AUH: variants seen among roughly 807,000 people sequenced by gnomAD.
AUH encodes the protein AU RNA binding methylglutaconyl-CoA hydratase.
A neutral mutation model predicts 42.3 loss-of-function variants in AUH; 29 were observed. The observed-to-expected ratio is 0.69, with a 90% CI of 0.51 to 0.93. The LOEUF (loss-of-function observed/expected upper bound fraction) is 0.93, where lower values mean the gene tolerates loss of function less well. Ranked by LOEUF, AUH falls within the 40% of genes least tolerant of loss-of-function variation. AUH has a pLI of 0.00. For missense variants in AUH, 452 were observed against 438.1 expected (o/e 1.03, Z -0.28); for synonymous variants, 174 against 166.4 (o/e 1.05, Z -0.35).
chr9:91,219,877 G>A (rs1054994428), intron 7 of AUH, among the ~76,000 whole-genome samples: 1 of 152,168 alleles, frequency 6.6e-6, no homozygotes, highest in African/African-American at 2.4e-5. Context: ...GCATGAATTT[G>A]GAATCTCATG....
intron 6 of AUH, among the ~76,000 whole-genome samples, chr9:91,226,345 T>G (rs1441687785): frequency 6.9e-6 from 1 of 145,726 alleles, no homozygotes; most frequent in Non-Finnish European, 1.5e-5. Context: ...TGCATAAATG[T>G]CTTCTTTTGA....
chr9:91,323,197 G>A (rs147640995), intron 4 of AUH, among the ~76,000 whole-genome samples: 171 of 152,174 alleles, frequency 1.1e-3, no homozygotes, highest in Middle Eastern at 6.8e-3. Context: ...AAATGTTGGG[G>A]GAGGAGATAA....
intron 6 of AUH, among the ~76,000 whole-genome samples, chr9:91,275,439 T>C (rs1371749309): frequency 6.6e-6 from 1 of 152,236 alleles, no homozygotes; most frequent in African/African-American, 2.4e-5. Flanking sequence ...AGGAGCTCTA[T>C]GGTGATTTCT....
At chr9:91,336,553 C>G (rs958883521) in intron 3 of AUH, among the ~76,000 whole-genome samples, 1 of 151,730 alleles carries the variant, frequency 6.6e-6, no homozygotes, top group African/African-American at 2.4e-5. Context: ...TCACTTGAAC[C>G]TGGGATGCGG....
At chr9:91,233,746 A>G (rs920071850) in intron 6 of AUH, among the ~76,000 whole-genome samples, 7 of 152,240 alleles carry the variant, frequency 4.6e-5, no homozygotes, top group Admixed American at 2.0e-4. Context: ...GAGGCTGGAC[A>G]GGCAGTTGAA....
At chr9:91,289,511 C>T (rs539287896) in intron 6 of AUH, among the ~76,000 whole-genome samples, 155 of 151,954 alleles carry the variant, frequency 1.0e-3, no homozygotes, top group Non-Finnish European at 2.0e-3. Flanking sequence ...AGGCAAGTGA[C>T]GCATTTTCTT....
intron 6 of AUH, among the ~76,000 whole-genome samples, chr9:91,291,922 C>CAA (rs10592483): frequency 1.1e-5 from 1 of 87,432 alleles, no homozygotes. Flanking sequence ...GACTCCGTGT[C>CAA]AAAAAAAAAA....
At chr9:91,314,366 C>T (rs1371723505) in intron 4 of AUH, among the ~76,000 whole-genome samples, 1 of 151,550 alleles carries the variant, frequency 6.6e-6, no homozygotes, top group Non-Finnish European at 1.5e-5. Context: ...AGAGCCCATC[C>T]CTGCTACTCG....
At chr9:91,218,919 A>T in intron 7 of AUH, 18 of 985,382 alleles carry the variant, frequency 1.8e-5, no homozygotes, top group Non-Finnish European at 2.2e-5. Context: ...AAGTAACTCA[A>T]CATCTTCTTA....
chr9:91,263,564 G>A (rs1025844115), intron 6 of AUH, among the ~76,000 whole-genome samples: 15 of 152,098 alleles, frequency 9.9e-5, no homozygotes, highest in East Asian at 3.8e-4. Flanking sequence ...TTAGTGAAAC[G>A]CCAAATTAGG....
intron 1 of AUH, among the ~76,000 whole-genome samples, chr9:91,358,281 C>A (rs1388086277): frequency 1.3e-5 from 2 of 152,094 alleles, no homozygotes; most frequent in African/African-American, 4.8e-5. Context: ...GGGAGTAAAG[C>A]TCATGAGTTT....
intron 3 of AUH, among the ~76,000 whole-genome samples, chr9:91,335,613 G>T (rs1315747711): frequency 2.0e-5 from 3 of 151,864 alleles, no homozygotes; most frequent in African/African-American, 7.3e-5. Flanking sequence ...TTCACTTAAG[G>T]TACATGCTTA....
intron 6 of AUH, among the ~76,000 whole-genome samples, chr9:91,280,351 A>G (rs534622747): frequency 2.0e-5 from 3 of 152,328 alleles, no homozygotes; most frequent in African/African-American, 7.2e-5. Flanking sequence ...TTAAAATGTA[A>G]ATAAGACCAC....
chr9:91,342,204 T>C (rs1564119593), intron 3 of AUH, among the ~76,000 whole-genome samples: 1 of 152,182 alleles, frequency 6.6e-6, no homozygotes, highest in Non-Finnish European at 1.5e-5. Flanking sequence ...TTTCCCAGCT[T>C]CTAGGGGCTG....
intron 3 of AUH, among the ~76,000 whole-genome samples, chr9:91,349,760 C>A (rs1355842227): frequency 6.6e-6 from 1 of 151,854 alleles, no homozygotes; most frequent in African/African-American, 2.4e-5. Flanking sequence ...AGTGATTAAA[C>A]AGTTTTTAGA....
chr9:91,239,940 C>G (rs1026333408), intron 6 of AUH, among the ~76,000 whole-genome samples: 1 of 152,118 alleles, frequency 6.6e-6, no homozygotes, highest in African/African-American at 2.4e-5. Context: ...TTTTCCAGAG[C>G]AAATTAAGCA....
At chr9:91,246,605 T>C (rs1283489926) in intron 6 of AUH, among the ~76,000 whole-genome samples, 1 of 151,942 alleles carries the variant, frequency 6.6e-6, no homozygotes, top group African/African-American at 2.4e-5. Flanking sequence ...CAAAATAACA[T>C]AAATACAGAA....
intron 1 of AUH, among the ~76,000 whole-genome samples, chr9:91,359,461 A>AT (rs1198494872): frequency 2.6e-5 from 4 of 151,746 alleles, no homozygotes; most frequent in Non-Finnish European, 5.9e-5. Context: ...AGGTTCATAC[A>AT]TTTTTTCTTT....
intron 3 of AUH, among the ~76,000 whole-genome samples, chr9:91,346,537 G>C (rs187525751): frequency 6.6e-6 from 1 of 152,280 alleles, no homozygotes; most frequent in Non-Finnish European, 1.5e-5. Context: ...ACTTTCCTGA[G>C]TTTCGTGAGA....
Sources: allele counts gnomAD v4.1 joint callset (sites outside exome capture counted in the v4.1 genomes callset), GRCh38; gene constraint gnomAD v4.1.1; transcripts MANE v1.5; gene names NCBI Gene and HGNC (gene_info 2026-07-23, HGNC 2026-07-21).